The following SIPA1L2 variants were observed in gnomAD, a reference collection of about 807,000 sequenced individuals.
SIPA1L2 encodes signal-induced proliferation-associated 1-like protein 2.
Under a neutral mutation model 163.9 loss-of-function variants are expected in SIPA1L2, and 56 were observed. The observed-to-expected ratio is 0.34, with a 90% CI of 0.28 to 0.43. SIPA1L2 has a LOEUF of 0.43. SIPA1L2 is among the 20% of genes least tolerant of loss of function. The probability of loss-of-function intolerance (pLI) is 1.00; values close to 1 mark genes in which losing one functional copy is unlikely to be tolerated. For synonymous variants in SIPA1L2, 877 were observed against 865.7 expected, an observed-to-expected ratio of 1.01 and a Z score of -0.23; for missense variants, 1,974 against 2,193.5, an observed-to-expected ratio of 0.90 and a Z score of 2.00.
intron 1 of SIPA1L2, among the ~76,000 whole-genome samples, chr1:232,610,414 G>A (rs1467330294): frequency 6.6e-6 from 1 of 152,196 alleles, no homozygotes; most frequent in Non-Finnish European, 1.5e-5. Flanking sequence ...GCACTGGGCT[G>A]GACGCCAGGT....
intron 2 of SIPA1L2, among the ~76,000 whole-genome samples, chr1:232,556,073 T>C (rs968841564): frequency 4.6e-5 from 7 of 152,222 alleles, no homozygotes; most frequent in African/African-American, 1.7e-4. Context: ...CTGCTAAAGA[T>C]AACATGAGTG....
At chr1:232,481,968 T>A (rs1665384565) in intron 6 of SIPA1L2, among the ~76,000 whole-genome samples, 1 of 152,228 alleles carries the variant, frequency 6.6e-6, no homozygotes, top group East Asian at 1.9e-4. Flanking sequence ...TCGAAAGACA[T>A]AATTTTTATC....
chr1:232,428,611 C>A, intron 16 of SIPA1L2, 47 bp from the exon 17 acceptor site: 3 of 1,398,462 alleles, frequency 2.1e-6, no homozygotes, highest in Non-Finnish European at 1.9e-6. Flanking sequence ...TGTAAAGTGC[C>A]TGTAGTGGTA....
At chr1:232,545,764 A>T (rs1292293887) in intron 2 of SIPA1L2, among the ~76,000 whole-genome samples, 6 of 152,268 alleles carry the variant, frequency 3.9e-5, no homozygotes, top group African/African-American at 1.4e-4. Flanking sequence ...TAGCAGTAAT[A>T]GAATTACATA....
intron 11 of SIPA1L2, among the ~76,000 whole-genome samples, chr1:232,445,028 T>G (rs1372547121): frequency 6.6e-6 from 1 of 152,238 alleles, no homozygotes; most frequent in Non-Finnish European, 1.5e-5. Context: ...TTTAAACAAG[T>G]GTATGCATTC....
At chr1:232,596,605 T>G (rs1202870568) in intron 1 of SIPA1L2, among the ~76,000 whole-genome samples, 2 of 152,244 alleles carry the variant, frequency 1.3e-5, no homozygotes, top group East Asian at 3.8e-4. Flanking sequence ...ATTCTAAATA[T>G]CAATGTTCAT....
At chr1:232,468,403 TG>T (rs978936131) in intron 8 of SIPA1L2, among the ~76,000 whole-genome samples, 6 of 152,206 alleles carry the variant, frequency 3.9e-5, no homozygotes, top group Non-Finnish European at 7.3e-5. Flanking sequence ...AGGAGCAAAC[TG>T]GAGTCAGGTA....
intron 2 of SIPA1L2, among the ~76,000 whole-genome samples, chr1:232,540,236 G>A (rs575874197): frequency 2.6e-5 from 4 of 152,222 alleles, no homozygotes; most frequent in African/African-American, 9.6e-5. Context: ...CCCGGGAGGT[G>A]GACGTTGCAG....
intron 1 of SIPA1L2, among the ~76,000 whole-genome samples, chr1:232,587,779 A>C (rs953769199): frequency 3.3e-5 from 5 of 152,172 alleles, no homozygotes; most frequent in Admixed American, 6.5e-5. Context: ...GGAGGGACCC[A>C]GTGCGAGATA....
chr1:232,600,962 C>T (rs1325608958), intron 1 of SIPA1L2, among the ~76,000 whole-genome samples: 1 of 152,232 alleles, frequency 6.6e-6, no homozygotes, highest in Non-Finnish European at 1.5e-5. Flanking sequence ...AATACTTTCA[C>T]TCTTCCCAAA....
intron 1 of SIPA1L2, among the ~76,000 whole-genome samples, chr1:232,613,537 T>C (rs1662358256): frequency 6.6e-6 from 1 of 152,216 alleles, no homozygotes; most frequent in Non-Finnish European, 1.5e-5. Flanking sequence ...AACACGGAAC[T>C]GTCTTCCAGC....
In SIPA1L2 at chr1:232,545,374, T is replaced by C. The variant is rs937563463; in HGVS notation, c.-270+28800A>G. 5.9e-5 allele frequency among the ~76,000 whole-genome samples: 9 copies of C among 152,204 alleles called. No homozygotes were observed. The South Asian group carries it at 1.2e-3, about 21-fold the overall frequency. On this transcript the variant is annotated intron_variant, in intron 2 of 22. Coordinates refer to ENST00000674635, the MANE Select transcript of SIPA1L2 (RefSeq NM_020808.5). ...ACTTTGAATTCAAGCACTTGACTCA[T>C]GTATCTATGAGGCTCCGTGTGGGCG...
In SIPA1L2 at chr1:232,514,959, A is replaced by G; in HGVS notation, c.381T>C (p.Asp127=). The G allele has an allele frequency of 6.2e-7, 1 of 1,614,200 alleles. No homozygotes were observed. Among genetic ancestry groups the G allele is most frequent in the Non-Finnish European group, 8.5e-7 (1 of 1,180,040 alleles). The change falls in exon 3 of 23, where the codon GAT becomes GAC. Residue 127 remains aspartate (D), a synonymous_variant. Coordinates refer to ENST00000674635, the MANE Select transcript of SIPA1L2 (RefSeq NM_020808.5). ...CCACGAAGTCCAGATCGAGCTGTTC[A>G]TCTTGCTGACCTTCACTCTGGTCAC... The part of the protein sequence containing the change: ...GQSDQSEGQQ[D]EQLDLDFVEA...
chr1:232,580,382 T>C (rs995684487), intron 1 of SIPA1L2, among the ~76,000 whole-genome samples: 1 of 152,216 alleles, frequency 6.6e-6, no homozygotes, highest in Non-Finnish European at 1.5e-5. Context: ...TTGTGACCTA[T>C]ATCTTGCGCT....
chr1:232,545,646 CAA>C (rs1046313204), intron 2 of SIPA1L2, among the ~76,000 whole-genome samples: 9 of 152,116 alleles, frequency 5.9e-5, no homozygotes, highest in African/African-American at 2.2e-4. Context: ...TTTAAAAATT[CAA>C]ACAGTCTAGA....
chr1:232,569,401 C>T (rs528271893), intron 2 of SIPA1L2, among the ~76,000 whole-genome samples: 1 of 152,298 alleles, frequency 6.6e-6, no homozygotes, highest in East Asian at 1.9e-4. Context: ...AGAGATGGCG[C>T]ACATCTGCTG....
At chr1:232,495,008 G>A (rs1666108503) in intron 3 of SIPA1L2, among the ~76,000 whole-genome samples, 2 of 152,270 alleles carry the variant, frequency 1.3e-5, no homozygotes, top group South Asian at 4.1e-4. Context: ...AAGGCTTTTG[G>A]TTATGCCAAT....
intron 2 of SIPA1L2, among the ~76,000 whole-genome samples, chr1:232,553,926 G>C (rs954135616): frequency 1.3e-5 from 2 of 152,076 alleles, no homozygotes; most frequent in African/African-American, 4.8e-5. Context: ...GATAACCCAT[G>C]TTCATTCTTT....
intron 3 of SIPA1L2, among the ~76,000 whole-genome samples, chr1:232,503,516 T>A (rs720806): frequency 0.41 from 61,983 of 152,084 alleles, 14,188 homozygotes; most frequent in East Asian, 0.85. Flanking sequence ...ATTCACTCAC[T>A]GCTCTGCCTT....
Sources: allele counts gnomAD v4.1 joint callset (sites outside exome capture counted in the v4.1 genomes callset), GRCh38; gene constraint gnomAD v4.1.1; transcripts MANE v1.5; gene names NCBI Gene and HGNC (gene_info 2026-07-23, HGNC 2026-07-21).